Variants in UGT2B28 observed in about 807,000 individuals in gnomAD.
The protein encoded by UGT2B28 is UDP glucuronosyltransferase family 2 member B28, also known as UDP-glucuronosyltransferase 2B28.
Under a neutral mutation model 43.6 loss-of-function variants are expected in UGT2B28, and 45 were observed. That is an observed-to-expected ratio of 1.03 (90% CI 0.81 to 1.32). The LOEUF is 1.32. Among genes scored for constraint, UGT2B28 ranks in the 40% most tolerant of loss-of-function variants. The probability of loss-of-function intolerance (pLI) is 0.00; values close to 1 mark genes in which losing one functional copy is unlikely to be tolerated. For missense variants in UGT2B28, 649 were observed against 625.5 expected, an observed-to-expected ratio of 1.04 and a Z score of -0.40; for synonymous variants, 204 against 208.1, an observed-to-expected ratio of 0.98 and a Z score of 0.17.
At chr4:69,286,149 C>CAAAAAATAAAAAATGAAAATA (rs1723767416) in intron 2 of UGT2B28, among the ~76,000 whole-genome samples, 1 of 140,658 alleles carries the variant, frequency 7.1e-6, no homozygotes, top group Admixed American at 7.1e-5. Flanking sequence ...CTTTTATTTT[C>CAAAAAATAAAAAATGAAAATA]ATTTTTTATT....
rs1325371318 is a variant in UGT2B28 at position 69,287,022 on chromosome 4, C to G, written c.1002+139C>G. On this transcript the variant is annotated intron_variant, in intron 3 of 5. Coordinates refer to ENST00000335568, the MANE Select transcript of UGT2B28 (RefSeq NM_053039.2). ...TCTTAAATATCTTGTGTAGCTTCCA[C>G]CGACACAAGTCATAGTTGTGCCTCA... 1.9e-5 allele frequency: 26 copies of G among 1,376,708 alleles called. 2 individuals are homozygous for G. The highest frequency in any genetic ancestry group is 2.5e-5 in the Non-Finnish European group (26 of 1,055,280). The allele number at this position is 1,376,708 out of a possible 1,614,324, so 85.3% of individuals were successfully genotyped here.
Position 69,293,587 on chromosome 4 carries a change from G to A in UGT2B28, c.1311-943G>A, listed in dbSNP as rs1444758123. Among the ~76,000 whole-genome samples, 2 of 139,996 alleles carry A rather than the reference G, an allele frequency of 1.4e-5. 1 individual carries two copies. Among genetic ancestry groups the A allele is most frequent in the Admixed American group, 1.4e-4 (2 of 13,896 alleles). The allele number at this position is 139,996 out of a possible 152,430, so 91.8% of individuals were successfully genotyped here. A position where few individuals can be genotyped will look rare whatever the true frequency, so the allele number is the denominator to read the frequency against. ...CACTTAGAGGGAAGCCACAAAAAGGGAGAGAAGCATGCCTTGGGTTGCAGC... is the reference window on the plus strand; with the variant it reads ...CACTTAGAGGGAAGCCACAAAAAGGAAGAGAAGCATGCCTTGGGTTGCAGC... On this transcript the variant is annotated intron_variant, in intron 5 of 5. Transcript: ENST00000335568.
At position 69,290,596 on chromosome 4, in the gene UGT2B28, T is replaced by C; in HGVS notation, c.1095T>C (p.Leu365=). Residue 365 remains leucine (L), a synonymous_variant, in exon 5 of 6, where the codon CTT becomes CTC. Transcript: ENST00000335568. ...CTAAAATTCATCCAATCCTAGGTCT[T>C]CCAAAAACCAGAGCTTTTATAACTC... ...KWIPQNDLLG[L]PKTRAFITHG... The C allele has an allele frequency of 1.3e-6, 2 of 1,554,388 alleles. No individual in the cohort carries two copies. The highest frequency in any genetic ancestry group is 2.4e-5 in the South Asian group (2 of 84,072).
At position 69,280,908 on chromosome 4, in the gene UGT2B28, T is replaced by A. The variant is rs376318314; in HGVS notation, c.408T>A (p.Val136=). ...AAGATGTAGTTTCAAATAAGAAAGT[T>A]ATGAAAAAACTACAAGAGTCAAGAT... ...FCKDVVSNKK[V]MKKLQESRFD... is the part of the protein sequence containing the mutation. The change falls in exon 1 of 6, where the codon GTT becomes GTA. Residue 136 remains valine, a synonymous_variant. Coordinates refer to ENST00000335568, the MANE Select transcript of UGT2B28 (RefSeq NM_053039.2). 3.0e-5 allele frequency: 47 copies of A among 1,558,302 alleles called. 6 individuals carry two copies. The highest frequency in any genetic ancestry group is 3.9e-5 in the Non-Finnish European group (45 of 1,155,388).
intron 5 of UGT2B28, among the ~76,000 whole-genome samples, chr4:69,292,258 T>G (rs1329599498): frequency 1.4e-5 from 2 of 140,328 alleles, no homozygotes; most frequent in Non-Finnish European, 3.0e-5. Flanking sequence ...GATAACAATG[T>G]GAAAAATTCC....
intron 3 of UGT2B28, among the ~76,000 whole-genome samples, chr4:69,288,742 C>T (rs1303177001): frequency 7.2e-6 from 1 of 138,808 alleles, no homozygotes; most frequent in Non-Finnish European, 1.5e-5. Context: ...TCTCTTTCCT[C>T]CCACCCTCCA....
chr4:69,285,232 TA>T lies in UGT2B28; in HGVS notation c.871-1513del, dbSNP rs1184291707. On this transcript the variant is annotated intron_variant, in intron 2 of 5. Transcript: ENST00000335568. Reference sequence around the variant, plus strand: ...TATATAAATAGGACAAAATCCATAATAAAAAAATACATATTTTCTATAAATA... The same window carrying T: ...TATATAAATAGGACAAAATCCATAATAAAAAATACATATTTTCTATAAATA... Among the ~76,000 whole-genome samples, 570 of 140,306 alleles carry T rather than the reference TA, an allele frequency of 4.1e-3. 71 individuals carry two copies. The highest frequency in any genetic ancestry group is 6.7e-3 in the Non-Finnish European group (439 of 65,738). 92.0% of individuals were successfully genotyped at this position (140,306 alleles called of 152,430 possible). A position where few individuals can be genotyped will look rare whatever the true frequency, so the allele number is the denominator to read the frequency against.
chr4:69,288,929 T>C (rs1723860257), intron 3 of UGT2B28, among the ~76,000 whole-genome samples: 3 of 141,086 alleles, frequency 2.1e-5, no homozygotes, highest in South Asian at 4.7e-4. Flanking sequence ...TTTTTGTTTT[T>C]TTATGGCTGC....
intron 2 of UGT2B28, among the ~76,000 whole-genome samples, chr4:69,286,450 G>C (rs1383461788): frequency 7.1e-6 from 1 of 139,974 alleles, no homozygotes; most frequent in African/African-American, 2.8e-5. Context: ...AAGAGTCTGG[G>C]TATATTTTTT....
At chr4:69,289,900 A>G (rs1305571108) in intron 4 of UGT2B28, 148 bp downstream of exon 4, 8 of 861,600 alleles carry the variant, frequency 9.3e-6, no homozygotes, top group Non-Finnish European at 1.3e-5. Flanking sequence ...AGGGGAAAAG[A>G]ATATGGTAGA....
intron 1 of UGT2B28, 105 bp downstream of exon 1, chr4:69,281,326 T>C (rs1224711577): frequency 3.2e-6 from 4 of 1,261,348 alleles, no homozygotes; most frequent in Middle Eastern, 2.7e-4. Context: ...TTTTGGTAAG[T>C]GAATTTATGA....
chr4:69,292,737 G>T (rs764018763), intron 5 of UGT2B28, among the ~76,000 whole-genome samples: 3 of 139,544 alleles, frequency 2.1e-5, no homozygotes, highest in Non-Finnish European at 4.6e-5. Context: ...GTGATATGTG[G>T]TGGGCAATAA....
Position 69,290,622 on chromosome 4 carries a change from A to G in UGT2B28, c.1121A>G (p.His374Arg), listed in dbSNP as rs1160302421. 3 of 1,559,214 alleles carry G rather than the reference A, an allele frequency of 1.9e-6. No individual in the cohort carries two copies. Among genetic ancestry groups the G allele is most frequent in the Non-Finnish European group, 2.6e-6 (3 of 1,154,946 alleles). Residue 374 changes from histidine to arginine, a missense_variant, in exon 5 of 6, where the codon CAT becomes CGT. His to Arg is a conservative substitution (Grantham distance 29). Coordinates refer to ENST00000335568, the MANE Select transcript of UGT2B28 (RefSeq NM_053039.2). ...GLPKTRAFIT[H>R]GGANGIYEAI... is the part of the protein sequence containing the mutation. ...CCAAAAACCAGAGCTTTTATAACTC[A>G]TGGTGGAGCCAATGGCATCTATGAG...
chr4:69,282,717 G>T lies in UGT2B28; in HGVS notation c.870+55G>T. 3.9e-6 allele frequency: 6 copies of T among 1,526,944 alleles called. 2 individuals are homozygous for T. Among genetic ancestry groups the T allele is most frequent in the South Asian group, 3.8e-5 (3 of 79,430 alleles). The allele number at this position is 1,526,944 out of a possible 1,614,324, so 94.6% of individuals were successfully genotyped here. A position where few individuals can be genotyped will look rare whatever the true frequency, so the allele number is the denominator to read the frequency against. On this transcript the variant is annotated intron_variant, in intron 2 of 5. Transcript: ENST00000335568. ...TTGGCTTCGAAGTTTCAGTAGAAAT[G>T]AGTCTATAGCCTTCATTCAAAATGT...
chr4:69,287,417 A>G (rs181389317), intron 3 of UGT2B28, among the ~76,000 whole-genome samples: 9 of 140,772 alleles, frequency 6.4e-5, no homozygotes, highest in South Asian at 2.4e-4. Context: ...TTACTCTTGG[A>G]CCACCTCTAT....
In UGT2B28 at chr4:69,289,437, G is replaced by A. The variant is rs1445386927; in HGVS notation, c.1003-228G>A. ...TTTTTGAATATTTGAACTTTTCATTGATAATCTTATTTTTCTACGGTACTA... is the reference window on the plus strand; with the variant it reads ...TTTTTGAATATTTGAACTTTTCATTAATAATCTTATTTTTCTACGGTACTA... On this transcript the variant is annotated intron_variant, in intron 3 of 5. Coordinates refer to ENST00000335568, the MANE Select transcript of UGT2B28 (RefSeq NM_053039.2). Among the ~76,000 whole-genome samples, 3 of 140,070 alleles carry A rather than the reference G, an allele frequency of 2.1e-5. 1 individual carries two copies. The highest frequency in any genetic ancestry group is 4.6e-5 in the Non-Finnish European group (3 of 65,592). The allele number at this position is 140,070 out of a possible 152,430, so 91.9% of individuals were successfully genotyped here. A position where few individuals can be genotyped will look rare whatever the true frequency, so the allele number is the denominator to read the frequency against.
chr4:69,286,778 T>C lies in UGT2B28; in HGVS notation c.897T>C (p.Ser299=). 1.3e-6 allele frequency: 2 copies of C among 1,556,366 alleles called. 1 individual carries two copies. Among genetic ancestry groups the C allele is most frequent in the South Asian group, 2.4e-5 (2 of 84,112 alleles). The change falls in exon 3 of 6, where the codon TCT becomes TCC. Residue 299 remains serine, a synonymous_variant. Coordinates refer to ENST00000335568, the MANE Select transcript of UGT2B28 (RefSeq NM_053039.2). The part of the protein sequence containing the change: ...PKEMEEFVQS[S]GENGVVVFSL... ...AAATGGAGGAATTTGTACAGAGCTC[T>C]GGTGAAAATGGTGTTGTGGTGTTTT... is the stretch of plus-strand genomic sequence containing the variant.
chr4:69,293,281 G>C lies in UGT2B28; in HGVS notation c.1311-1249G>C, dbSNP rs1724003822. Among the ~76,000 whole-genome samples, 4 of 140,502 alleles carry C rather than the reference G, an allele frequency of 2.8e-5. 1 individual carries two copies. The highest frequency in any genetic ancestry group is 1.1e-4 in the African/African-American group (4 of 35,978). 92.2% of individuals were successfully genotyped at this position (140,502 alleles called of 152,430 possible). ...TCACTAAAAGGTTCAGAAAAAGGGA[G>C]TTATTCTAGGCAGATTGTGATAGCC... On this transcript the variant is annotated intron_variant, in intron 5 of 5. Transcript: ENST00000335568.
At chr4:69,281,296 T>G in intron 1 of UGT2B28, 75 bp downstream of exon 1, 1 of 1,395,030 alleles carries the variant, frequency 7.2e-7, no homozygotes, top group Non-Finnish European at 9.3e-7. Context: ...TATAAAGCCA[T>G]AAAGTCAGGG....
Sources: gnomAD v4.1 joint callset for allele counts (sites outside exome capture counted in the v4.1 genomes callset) on GRCh38, gnomAD v4.1.1 for gene constraint, MANE v1.5 for transcripts, NCBI Gene and HGNC (gene_info 2026-07-23, HGNC 2026-07-21) for gene names.